The following KIF5C variants were observed in gnomAD, a reference collection of about 807,000 sequenced individuals.
KIF5C encodes kinesin heavy chain isoform 5C.
A neutral mutation model predicts 125.2 loss-of-function variants in KIF5C; 18 were observed. The observed-to-expected ratio is 0.14, with a 90% confidence interval of 0.10 to 0.21. The LOEUF (loss-of-function observed/expected upper bound fraction) is 0.21, where lower values mean the gene tolerates loss of function less well. Ranked by LOEUF, KIF5C falls within the 10% of genes least tolerant of loss-of-function variation. The pLI is 1.00. For synonymous variants in KIF5C, 405 were observed against 434.0 expected (o/e 0.93, Z 0.83); for missense variants, 780 against 1,183.8 (o/e 0.66, Z 5.01).
chr2:149,019,429 C>T (rs143387842), intron 25 of KIF5C, among the ~76,000 whole-genome samples: 1 of 152,292 alleles, frequency 6.6e-6, no homozygotes, highest in African/African-American at 2.4e-5. Flanking sequence ...ACAGAAATAA[C>T]TGTAGGTAGG....
chr2:148,905,292 A>AG (rs1681062161), intron 1 of KIF5C, among the ~76,000 whole-genome samples: 1 of 152,212 alleles, frequency 6.6e-6, no homozygotes, highest in South Asian at 2.1e-4. Flanking sequence ...TGGTTTAGAG[A>AG]GGAAAAAAAG....
At chr2:148,950,518 G>A in intron 10 of KIF5C, 56 bp downstream of exon 10, 13 of 1,555,652 alleles carry the variant, frequency 8.4e-6, no homozygotes, top group Non-Finnish European at 5.2e-6. Flanking sequence ...TCTTAAGAGT[G>A]AATGGCAAGG....
At chr2:149,009,033 A>G (rs1348611171) in intron 23 of KIF5C, among the ~76,000 whole-genome samples, 1 of 139,030 alleles carries the variant, frequency 7.2e-6, no homozygotes, top group African/African-American at 2.7e-5. Context: ...TCTGTCGCCC[A>G]GGCTGGAGTG....
chr2:148,984,747 C>A (rs571876705), intron 15 of KIF5C, among the ~76,000 whole-genome samples: 1 of 152,158 alleles, frequency 6.6e-6, no homozygotes, highest in South Asian at 2.1e-4. Flanking sequence ...CATGATGAAT[C>A]CCTTGGGGTT....
At chr2:148,996,522 A>G (rs943117924) in intron 17 of KIF5C, among the ~76,000 whole-genome samples, 2 of 152,212 alleles carry the variant, frequency 1.3e-5, no homozygotes, top group Non-Finnish European at 2.9e-5. Flanking sequence ...AGTGGAACAG[A>G]CTAGAGAGAA....
intron 1 of KIF5C, among the ~76,000 whole-genome samples, chr2:148,918,392 A>G (rs1258534114): frequency 6.6e-6 from 1 of 152,220 alleles, no homozygotes; most frequent in Non-Finnish European, 1.5e-5. Flanking sequence ...GTAAAATGCT[A>G]TAATTGTAGT....
chr2:149,000,082 G>A (rs1681806854), intron 19 of KIF5C: 4 of 202,244 alleles, frequency 2.0e-5, no homozygotes, highest in South Asian at 3.5e-4. Context: ...CATGCCATCC[G>A]AGGGGCCGAG....
intron 20 of KIF5C, 49 bp downstream of exon 20, chr2:149,000,573 T>C (rs1681818385): frequency 6.4e-7 from 1 of 1,553,256 alleles, no homozygotes; most frequent in Admixed American, 1.9e-5. Flanking sequence ...CCCCATGATA[T>C]TCTGGTTAGA....
intron 11 of KIF5C, among the ~76,000 whole-genome samples, chr2:148,966,337 A>AGTGTGT (rs747467791): frequency 3.3e-5 from 5 of 150,054 alleles, no homozygotes; most frequent in African/African-American, 1.2e-4. Context: ...TGTGTAGCAA[A>AGTGTGT]GTGTGTGTGT....
Position 148,981,437 on chromosome 2 carries a change from A to T in KIF5C, c.1445A>T (p.Asp482Val), listed in dbSNP as rs765486860. 1 of 1,610,138 alleles carries T rather than the reference A, an allele frequency of 6.2e-7. No homozygotes were observed. Among genetic ancestry groups the T allele is most frequent in the Non-Finnish European group, 8.5e-7 (1 of 1,178,320 alleles). Residue 482 changes from aspartate to valine, a missense_variant, in exon 14 of 26, where the codon GAT becomes GTT. Asp to Val is a radical substitution (Grantham distance 152, BLOSUM62 -3). Around this residue, in one of 2 missense-constraint regions of KIF5C, gnomAD observed 573 missense variants for 742.6 expected, o/e 0.77. Coordinates refer to ENST00000435030, the MANE Select transcript of KIF5C (RefSeq NM_004522.3). ...CAGATTGAAAATGAGGCAGCCAAGG[A>T]TGAGGTGAAAGAAGTTCTCCAGGCC... ...RLQIENEAAK[D>V]EVKEVLQALE...
chr2:148,950,252 T>C (rs1682626413), intron 9 of KIF5C, 62 bp from the exon 10 acceptor site: 20 of 1,577,574 alleles, frequency 1.3e-5, no homozygotes, highest in Non-Finnish European at 1.7e-5. Context: ...CCTGACTTGC[T>C]TGCCTCTGTG....
intron 1 of KIF5C, among the ~76,000 whole-genome samples, chr2:148,921,654 G>T (rs551886459): frequency 6.6e-6 from 1 of 152,190 alleles, no homozygotes; most frequent in South Asian, 2.1e-4. Context: ...TTCTTCACCA[G>T]GCTTTCCTTG....
chr2:148,937,300 C>T lies in KIF5C; in HGVS notation c.308C>T (p.Pro103Leu). The T allele has an allele frequency of 6.3e-7, 1 of 1,597,244 alleles. No individual in the cohort carries two copies. The highest frequency in any genetic ancestry group is 8.5e-7 in the Non-Finnish European group (1 of 1,171,124). Residue 103 changes from proline to leucine, a missense_variant, in exon 4 of 26, where the codon CCC becomes CTC. By Grantham distance (98) the Pro-to-Leu change is moderately conservative (BLOSUM62 -3). This residue lies in a region of KIF5C where 207 missense variants were observed against 441.2 expected (regional missense o/e 0.47). Coordinates refer to ENST00000435030, the MANE Select transcript of KIF5C (RefSeq NM_004522.3). ...GCCCACTAGGGGAAGCTGCATGACC[C>T]CCAGCTCATGGGGATCATCCCACGA... ...THTMEGKLHD[P>L]QLMGIIPRIA...
At chr2:149,010,458 A>G (rs1473934288) in intron 24 of KIF5C, 107 bp downstream of exon 24, 3 of 1,448,612 alleles carry the variant, frequency 2.1e-6, no homozygotes, top group Non-Finnish European at 1.8e-6. Flanking sequence ...GAACATCTGA[A>G]AGGCTGGGTT....
intron 6 of KIF5C, 38 bp downstream of exon 6, chr2:148,942,028 T>C (rs772616475): frequency 6.9e-6 from 11 of 1,601,902 alleles, no homozygotes; most frequent in Admixed American, 5.2e-5. Context: ...AATTAATTTC[T>C]CTCCAGTCTC....
At chr2:149,020,578 T>G (rs12996429) in intron 25 of KIF5C, among the ~76,000 whole-genome samples, 1 of 152,168 alleles carries the variant, frequency 6.6e-6, no homozygotes, top group Admixed American at 6.5e-5. Context: ...GTGCTTGCTG[T>G]GTCAACACGG....
At chr2:148,895,858 ACACACACACACACACACC>A (rs1298463687) in intron 1 of KIF5C, among the ~76,000 whole-genome samples, 5 of 29,100 alleles carry the variant, frequency 1.7e-4, no homozygotes, top group Non-Finnish European at 2.5e-4. Context: ...ACACACACAC[ACACACACACACACACACC>A]CACAGAGATC....
intron 10 of KIF5C, among the ~76,000 whole-genome samples, chr2:148,951,754 C>T (rs1345264213): frequency 6.6e-6 from 1 of 152,128 alleles, no homozygotes; most frequent in Non-Finnish European, 1.5e-5. Context: ...CTCATTTGTA[C>T]ATGGATGCAC....
intron 1 of KIF5C, among the ~76,000 whole-genome samples, chr2:148,882,585 A>T (rs578019069): frequency 6.6e-6 from 1 of 152,278 alleles, no homozygotes; most frequent in South Asian, 2.1e-4. Flanking sequence ...AGGCTGCTCA[A>T]TGCCCATCCC....
Sources: gnomAD v4.1 joint callset for allele counts (sites outside exome capture counted in the v4.1 genomes callset) on GRCh38, gnomAD v4.1.1 for gene constraint, gnomAD v4.1.1 regional missense constraint, MANE v1.5 for transcripts, NCBI Gene and HGNC (gene_info 2026-07-23, HGNC 2026-07-21) for gene names.